SAMD13: variants seen among roughly 807,000 people sequenced by gnomAD.
The protein encoded by SAMD13 is sterile alpha motif domain containing 13.
Under a neutral mutation model 12.4 loss-of-function variants are expected in SAMD13, and 9 were observed. The ratio of observed to expected loss-of-function variants is 0.72; its 90% CI spans 0.44 to 1.26. The LOEUF is 1.26. Among genes scored for constraint, SAMD13 ranks in the 50% most tolerant of loss-of-function variants. SAMD13 has a pLI of 0.00. For missense variants in SAMD13, 84 were observed against 119.6 expected, an observed-to-expected ratio of 0.70 and a Z score of 1.39; for synonymous variants, 46 against 45.4, an observed-to-expected ratio of 1.01 and a Z score of -0.05.
intron 2 of SAMD13, among the ~76,000 whole-genome samples, chr1:84,316,568 A>G (rs1178397598): frequency 6.6e-6 from 1 of 152,068 alleles, no homozygotes; most frequent in Non-Finnish European, 1.5e-5. Flanking sequence ...CTTCTGTTCC[A>G]TTGATCTATA....
chr1:84,311,290 C>T (rs995423087), intron 2 of SAMD13, among the ~76,000 whole-genome samples: 13 of 144,986 alleles, frequency 9.0e-5, no homozygotes, highest in East Asian at 2.0e-4. Flanking sequence ...GAGCTGAGAT[C>T]GTGCCACTGC....
At chr1:84,343,370 A>G (rs1679468230) in intron 3 of SAMD13, among the ~76,000 whole-genome samples, 2 of 152,234 alleles carry the variant, frequency 1.3e-5, no homozygotes, top group Non-Finnish European at 1.5e-5. Context: ...ACCCAAAGGA[A>G]TATAAATCAT....
intron 2 of SAMD13, 147 bp from the exon 3 acceptor site, chr1:84,325,490 T>C (rs1679037512): frequency 5.0e-6 from 3 of 605,720 alleles, no homozygotes; most frequent in Non-Finnish European, 9.0e-6. Flanking sequence ...TGTCAAATGG[T>C]TTATTAGCAG....
At chr1:84,301,484 C>A, upstream of SAMD13, 1 of 307,246 alleles carries the variant, frequency 3.3e-6, no homozygotes, top group Non-Finnish European at 4.8e-6. Flanking sequence ...TTGTACAAGA[C>A]AGGTGCAGGG....
At chr1:84,303,148 ATTC>A in intron 1 of SAMD13, 52 bp from the exon 2 acceptor site, 2 of 1,315,502 alleles carry the variant, frequency 1.5e-6, no homozygotes, top group South Asian at 2.4e-5. Context: ...CAGAATATAT[ATTC>A]TTCTCTCACT....
chr1:84,299,701 A>T, upstream of SAMD13: 1 of 856,870 alleles, frequency 1.2e-6, no homozygotes. Flanking sequence ...ATTTATATTC[A>T]CAAGTGTCAG....
rs557199988 is a variant in SAMD13 at position 84,333,574 on chromosome 1, A to G, written c.165+7826A>G. Among the ~76,000 whole-genome samples, 10 of 152,176 alleles carry G rather than the reference A, an allele frequency of 6.6e-5. No individual in the cohort carries two copies. In the East Asian group the frequency reaches 1.9e-3, roughly 29 times the overall value. ...TGATTTTTGCACATTGATTTTGTAT[A>G]CTGAAACTTTGTTGAAGTTGTTTAT... is the stretch of plus-strand genomic sequence containing the variant. On this transcript the variant is annotated intron_variant, in intron 3 of 3. Transcript: ENST00000394834.
At chr1:84,333,252 A>G (rs748022093) in intron 3 of SAMD13, among the ~76,000 whole-genome samples, 1 of 152,078 alleles carries the variant, frequency 6.6e-6, no homozygotes, top group South Asian at 2.1e-4. Context: ...GAAGAATGTC[A>G]TTGGTGGTTT....
upstream of SAMD13, among the ~76,000 whole-genome samples, chr1:84,299,371 A>G (rs1572683786): frequency 6.6e-6 from 1 of 152,306 alleles, no homozygotes; most frequent in South Asian, 2.1e-4. Flanking sequence ...TACTGACACC[A>G]AAGTTATTTC....
At chr1:84,339,381 T>C (rs1033477710) in intron 3 of SAMD13, among the ~76,000 whole-genome samples, 1 of 152,242 alleles carries the variant, frequency 6.6e-6, no homozygotes, top group Admixed American at 6.5e-5. Flanking sequence ...CTTTATCTTC[T>C]TTAATGCCCT....
rs1012920457 is a variant in SAMD13 at position 84,323,676 on chromosome 1, C to G, written c.54-1961C>G. Reference sequence around the variant, plus strand: ...AACATTATGCTGGGGGATGAGGTGGCTGGATCCTTGACTCTTAGACCTTTA... The same window carrying G: ...AACATTATGCTGGGGGATGAGGTGGGTGGATCCTTGACTCTTAGACCTTTA... On this transcript the variant is annotated intron_variant, in intron 2 of 3. Coordinates refer to ENST00000394834, the MANE Select transcript of SAMD13 (RefSeq NM_001134663.2). Among the ~76,000 whole-genome samples, 6 of 152,132 alleles carry G rather than the reference C, an allele frequency of 3.9e-5. No individual in the cohort carries two copies. The East Asian group carries it at 1.2e-3, about 29-fold the overall frequency.
At chr1:84,314,166 C>G (rs1225623892) in intron 2 of SAMD13, among the ~76,000 whole-genome samples, 2 of 151,868 alleles carry the variant, frequency 1.3e-5, no homozygotes, top group African/African-American at 4.8e-5. Flanking sequence ...TTTCATATAA[C>G]AATAATAAAA....
chr1:84,325,592 TG>T, intron 2 of SAMD13, 44 bp from the exon 3 acceptor site: 1 of 1,197,556 alleles, frequency 8.4e-7, no homozygotes, highest in Non-Finnish European at 1.2e-6. Context: ...GCCACACCCT[TG>T]TGCAGGCACT....
intron 3 of SAMD13, among the ~76,000 whole-genome samples, chr1:84,347,835 T>A (rs963822894): frequency 6.6e-6 from 1 of 152,216 alleles, no homozygotes; most frequent in African/African-American, 2.4e-5. Flanking sequence ...TCTCTAGGAT[T>A]ACTACTTGCC....
intron 3 of SAMD13, among the ~76,000 whole-genome samples, chr1:84,337,369 T>C (rs1679322611): frequency 6.6e-6 from 1 of 152,224 alleles, no homozygotes; most frequent in African/African-American, 2.4e-5. Flanking sequence ...TTCTGAAATC[T>C]AGGCAGAGAT....
At chr1:84,344,228 G>A (rs1679485434) in intron 3 of SAMD13, among the ~76,000 whole-genome samples, 1 of 152,120 alleles carries the variant, frequency 6.6e-6, no homozygotes, top group African/African-American at 2.4e-5. Context: ...AAGTGCAAAA[G>A]CCATTTTGCT....
At chr1:84,345,678 G>A (rs1372505246) in intron 3 of SAMD13, among the ~76,000 whole-genome samples, 1 of 152,000 alleles carries the variant, frequency 6.6e-6, no homozygotes, top group Non-Finnish European at 1.5e-5. Flanking sequence ...GCTACTCTTT[G>A]TCTCTTCCTA....
At chr1:84,331,381 G>A (rs1011819277) in intron 3 of SAMD13, among the ~76,000 whole-genome samples, 2 of 133,092 alleles carry the variant, frequency 1.5e-5, no homozygotes, top group African/African-American at 5.4e-5. Context: ...ACTTGTTAAG[G>A]TGAAACTTAA....
At chr1:84,344,362 T>C (rs1351816385) in intron 3 of SAMD13, among the ~76,000 whole-genome samples, 4 of 152,182 alleles carry the variant, frequency 2.6e-5, no homozygotes, top group Non-Finnish European at 5.9e-5. Context: ...TTATCCACTC[T>C]AAATTTCCCA....
Sources: allele counts gnomAD v4.1 joint callset (sites outside exome capture counted in the v4.1 genomes callset), GRCh38; gene constraint gnomAD v4.1.1; transcripts MANE v1.5; gene names NCBI Gene and HGNC (gene_info 2026-07-23, HGNC 2026-07-21).